LRMDA: variants seen among roughly 807,000 people sequenced by gnomAD.
LRMDA encodes the protein leucine-rich melanocyte differentiation-associated protein.
A neutral mutation model predicts 29.8 loss-of-function variants in LRMDA; 18 were observed. The ratio of observed to expected loss-of-function variants is 0.60; its 90% CI spans 0.42 to 0.90. The LOEUF is 0.90. LRMDA is among the 40% of genes least tolerant of loss of function. The pLI is 0.00. For synonymous variants in LRMDA, 125 were observed against 109.4 expected (o/e 1.14, Z -0.89); for missense variants, 273 against 273.9 (o/e 1.00, Z 0.02).
intron 4 of LRMDA, among the ~76,000 whole-genome samples, chr10:76,053,403 A>G (rs995571217): frequency 6.6e-6 from 1 of 152,208 alleles, no homozygotes; most frequent in Admixed American, 6.5e-5. Flanking sequence ...AATACATCAC[A>G]GTAAAGAGAT....
At chr10:75,605,283 AT>A (rs1318906600) in intron 2 of LRMDA, among the ~76,000 whole-genome samples, 2 of 152,114 alleles carry the variant, frequency 1.3e-5, no homozygotes, top group Admixed American at 1.3e-4. Context: ...CGCTGGTTGG[AT>A]TTTTGATAGC....
intron 6 of LRMDA, among the ~76,000 whole-genome samples, chr10:76,503,635 C>G (rs1302877124): frequency 6.6e-6 from 1 of 151,682 alleles, no homozygotes; most frequent in Non-Finnish European, 1.5e-5. Flanking sequence ...ATAATAGTCT[C>G]TGAGGATCTT....
chr10:75,641,273 G>A (rs1564528698), intron 2 of LRMDA, among the ~76,000 whole-genome samples: 1 of 152,110 alleles, frequency 6.6e-6, no homozygotes, highest in South Asian at 2.1e-4. Context: ...GACGATGGGA[G>A]GAGGAGCCAT....
chr10:76,144,160 G>A (rs1363966026), intron 5 of LRMDA, among the ~76,000 whole-genome samples: 1 of 152,166 alleles, frequency 6.6e-6, no homozygotes, highest in Non-Finnish European at 1.5e-5. Context: ...GCTTAGGATT[G>A]ACTTGGCGAT....
intron 2 of LRMDA, among the ~76,000 whole-genome samples, chr10:75,562,433 G>C (rs551982345): frequency 6.6e-6 from 1 of 152,068 alleles, no homozygotes; most frequent in Non-Finnish European, 1.5e-5. Context: ...GTCTCTGCAC[G>C]TGAGATGGGT....
intron 2 of LRMDA, among the ~76,000 whole-genome samples, chr10:75,888,787 A>G (rs1014130102): frequency 2.0e-5 from 3 of 152,186 alleles, no homozygotes; most frequent in African/African-American, 7.2e-5. Context: ...TTTGTAATAT[A>G]ATATCCTGCT....
chr10:76,181,602 A>G (rs1851051658), intron 5 of LRMDA, among the ~76,000 whole-genome samples: 1 of 152,222 alleles, frequency 6.6e-6, no homozygotes, highest in Non-Finnish European at 1.5e-5. Context: ...CTGTATGCCC[A>G]TAAGTACCGG....
chr10:76,115,331 C>A (rs970386237), intron 5 of LRMDA, among the ~76,000 whole-genome samples: 8 of 152,364 alleles, frequency 5.3e-5, no homozygotes, highest in African/African-American at 1.9e-4. Flanking sequence ...CCCTGCCTTC[C>A]CATTCAATGC....
rs184841144 is a variant in LRMDA, at chr10:75,475,382, G to A, written c.131+36888G>A. 5.2e-3 allele frequency among the ~76,000 whole-genome samples: 713 copies of A among 136,136 alleles called. 5 individuals carry two copies. The highest frequency in any genetic ancestry group is 0.022 in the African/African-American group (674 of 31,228). 89.3% of individuals were successfully genotyped at this position (136,136 alleles called of 152,430 possible). A position where few individuals can be genotyped will look rare whatever the true frequency, so the allele number is the denominator to read the frequency against. On this transcript the variant is annotated intron_variant, in intron 2 of 6. Coordinates refer to ENST00000611255, the MANE Select transcript of LRMDA (RefSeq NM_001305581.2). The stretch of plus-strand genomic sequence containing the variant: ...GGAGCCTGGGTGAGGAAGGAGTCGT[G>A]CAGGAGTCAGGGGCTGTTTTGGGGG...
intron 6 of LRMDA, among the ~76,000 whole-genome samples, chr10:76,545,291 G>C (rs1388092920): frequency 6.6e-6 from 1 of 151,674 alleles, no homozygotes; most frequent in Non-Finnish European, 1.5e-5. Flanking sequence ...CAGAACTGTG[G>C]ATGTTCCCTG....
chr10:76,547,627 G>A (rs1227651469), intron 6 of LRMDA, among the ~76,000 whole-genome samples: 1 of 152,144 alleles, frequency 6.6e-6, no homozygotes, highest in East Asian at 1.9e-4. Flanking sequence ...GGGAATGGAG[G>A]AGGTGGTGAC....
At chr10:76,311,709 C>A (rs999349838) in intron 5 of LRMDA, among the ~76,000 whole-genome samples, 4 of 152,276 alleles carry the variant, frequency 2.6e-5, no homozygotes, top group African/African-American at 7.2e-5. Flanking sequence ...CCTCATTAAG[C>A]CTGCAAAGAT....
chr10:75,663,177 C>G (rs1295775811), intron 2 of LRMDA, among the ~76,000 whole-genome samples: 1 of 152,126 alleles, frequency 6.6e-6, no homozygotes, highest in Non-Finnish European at 1.5e-5. Context: ...TTGTAGAGGA[C>G]TCTTAGGGCA....
At chr10:76,014,126 T>G (rs1275985304) in intron 2 of LRMDA, among the ~76,000 whole-genome samples, 8 of 67,282 alleles carry the variant, frequency 1.2e-4, no homozygotes, top group Non-Finnish European at 1.7e-4. Context: ...ATATATATAA[T>G]TATATATATA....
chr10:76,538,817 T>A (rs1404074089), intron 6 of LRMDA, among the ~76,000 whole-genome samples: 1 of 152,138 alleles, frequency 6.6e-6, no homozygotes, highest in African/African-American at 2.4e-5. Context: ...CATAACATTT[T>A]GTATATTAAA....
chr10:76,041,711 T>G (rs1564636950), intron 3 of LRMDA, among the ~76,000 whole-genome samples: 1 of 152,102 alleles, frequency 6.6e-6, no homozygotes, highest in Non-Finnish European at 1.5e-5. Context: ...GATGCTGCTT[T>G]GATCTTGGGC....
chr10:76,485,692 T>C (rs1340225640), intron 6 of LRMDA, among the ~76,000 whole-genome samples: 2 of 151,970 alleles, frequency 1.3e-5, no homozygotes, highest in African/African-American at 4.8e-5. Flanking sequence ...AGAATAAGTT[T>C]ACTGGCAATG....
chr10:75,662,238 C>T (rs1368540817), intron 2 of LRMDA, among the ~76,000 whole-genome samples: 1 of 152,168 alleles, frequency 6.6e-6, no homozygotes, highest in African/African-American at 2.4e-5. Context: ...TTGGTTGACA[C>T]TTCCAGCTCT....
At chr10:75,976,094 T>G (rs1370841966) in intron 2 of LRMDA, among the ~76,000 whole-genome samples, 3 of 152,244 alleles carry the variant, frequency 2.0e-5, no homozygotes, top group Admixed American at 1.3e-4. Context: ...CCTGTTGCAC[T>G]TGGTGTAAAA....
Sources: allele counts gnomAD v4.1 joint callset (sites outside exome capture counted in the v4.1 genomes callset), GRCh38; gene constraint gnomAD v4.1.1; transcripts MANE v1.5; gene names NCBI Gene and HGNC (gene_info 2026-07-23, HGNC 2026-07-21).